The following GBF1 variants were observed in gnomAD, a reference collection of about 807,000 sequenced individuals.
The protein encoded by GBF1 is Golgi-specific brefeldin A-resistance guanine nucleotide exchange factor 1.
Under a neutral mutation model 210.5 loss-of-function variants are expected in GBF1, and 114 were observed. That is an observed-to-expected ratio of 0.54 (90% confidence interval 0.47 to 0.63). The LOEUF is 0.63. Ranked by LOEUF, GBF1 falls within the 30% of genes least tolerant of loss-of-function variation. The pLI, the probability that GBF1 is intolerant of heterozygous loss-of-function variation, is 0.00. For missense variants in GBF1, 1,851 were observed against 2,357.7 expected (o/e 0.79, Z 4.45); for synonymous variants, 850 against 889.2 (o/e 0.96, Z 0.78).
chr10:102,333,037 A>G (rs956728587), intron 3 of GBF1, among the ~76,000 whole-genome samples: 4 of 152,206 alleles, frequency 2.6e-5, no homozygotes, highest in South Asian at 4.1e-4. Flanking sequence ...ATTTAGAATC[A>G]TAAGTTTTAG....
rs756704424 is a variant in GBF1 at position 102,358,724 on chromosome 10, C to G, written c.1006C>G (p.Leu336Val). ...GCTAGGTGTTCCCGAGCAGCCTGAC[C>G]TCCAGGTATGGCTTTGATTTTTAAT... ...SELGVPEQPD[L>V]QQEGTHVEKS... The change falls in exon 10 of 40, where the codon CTC becomes GTC. Residue 336 changes from leucine (L) to valine (V), a missense_variant. By Grantham distance (32) the Leu-to-Val change is conservative. Around this residue, in one of 3 missense-constraint regions of GBF1, gnomAD observed 804 missense variants for 958.6 expected, o/e 0.84. Transcript: ENST00000369983. 1.2e-6 allele frequency: 2 copies of G among 1,604,834 alleles called. No individual in the cohort carries two copies. Among genetic ancestry groups the G allele is most frequent in the African/African-American group, 2.7e-5 (2 of 74,744 alleles).
At chr10:102,379,995 T>TG (rs773814251) in intron 36 of GBF1, 41 bp downstream of exon 36, 6 of 1,362,574 alleles carry the variant, frequency 4.4e-6, no homozygotes, top group Non-Finnish European at 6.2e-6. Context: ...CTCCCATACC[T>TG]GCCTTTTCCC....
At chr10:102,249,144 A>G (rs543806972) in intron 1 of GBF1, among the ~76,000 whole-genome samples, 28 of 152,288 alleles carry the variant, frequency 1.8e-4, no homozygotes, top group Admixed American at 1.3e-3. Flanking sequence ...ATTCTGCCCA[A>G]TGGTTACTGG....
intron 3 of GBF1, among the ~76,000 whole-genome samples, chr10:102,324,032 T>C (rs1384968213): frequency 6.6e-6 from 1 of 152,194 alleles, no homozygotes; most frequent in East Asian, 1.9e-4. Context: ...CTCTCTCTTA[T>C]ACTGGTGCAA....
At chr10:102,293,980 G>A (rs910768837) in intron 3 of GBF1, among the ~76,000 whole-genome samples, 10 of 151,322 alleles carry the variant, frequency 6.6e-5, no homozygotes, top group African/African-American at 1.7e-4. Flanking sequence ...GGGTTTCACC[G>A]TGTTAGCCAG....
At chr10:102,295,616 C>T (rs74155249) in intron 3 of GBF1, among the ~76,000 whole-genome samples, 27 of 152,192 alleles carry the variant, frequency 1.8e-4, no homozygotes, top group African/African-American at 6.3e-4. Context: ...AAGATAAGCC[C>T]TAAGTTGCTA....
chr10:102,239,754 T>C, the GBF1 span, among the ~76,000 whole-genome samples: 1 of 152,228 alleles, frequency 6.6e-6, no homozygotes, highest in South Asian at 2.1e-4. Flanking sequence ...TATGGACTCG[T>C]TCTCCCTGTT....
rs758879866 is a variant in GBF1, at chr10:102,375,493, C to T, written c.3795C>T (p.Ala1265=). The change falls in exon 30 of 40, where the codon GCC becomes GCT. Residue 1265 remains alanine (A), a synonymous_variant. Coordinates refer to ENST00000369983, the MANE Select transcript of GBF1 (RefSeq NM_001377137.1). The part of the protein sequence containing the change: ...AANIHSGDDW[A]TLFTLLECIG... Reference sequence around the variant, plus strand: ...ACATCCACTCAGGTGATGACTGGGCCACACTCTTCACACTGCTGGAGTGCA... The same window carrying T: ...ACATCCACTCAGGTGATGACTGGGCTACACTCTTCACACTGCTGGAGTGCA... 17 of 1,613,738 alleles carry T rather than the reference C, an allele frequency of 1.1e-5. No homozygotes were observed. The highest frequency in any genetic ancestry group is 1.4e-5 in the Non-Finnish European group (17 of 1,179,728).
chr10:102,305,175 T>TTGTGTGTG lies in GBF1; in HGVS notation c.164-38838_164-38831dup, dbSNP rs60026956. ...GAACCTTCTGAAATTATATGCAGAT[T>TTGTGTGTG]TGTGTGTGTGTGTGTGTGTGTGTGT... On this transcript the variant is annotated intron_variant, in intron 3 of 39. Transcript: ENST00000369983. 7.3e-3 allele frequency among the ~76,000 whole-genome samples: 1,023 copies of TTGTGTGTG among 139,724 alleles called. 6 individuals carry two copies. Among genetic ancestry groups the TTGTGTGTG allele is most frequent in the African/African-American group, 0.025 (941 of 37,302 alleles). The allele number at this position is 139,724 out of a possible 152,430, so 91.7% of individuals were successfully genotyped here.
At chr10:102,337,245 G>T (rs538129439) in intron 3 of GBF1, among the ~76,000 whole-genome samples, 3 of 148,490 alleles carry the variant, frequency 2.0e-5, no homozygotes, top group Non-Finnish European at 4.5e-5. Context: ...GGGCATGGTG[G>T]TGGGCGCCTG....
chr10:102,364,584 C>CA (rs1189744155), intron 17 of GBF1, among the ~76,000 whole-genome samples: 1 of 151,314 alleles, frequency 6.6e-6, no homozygotes, highest in Non-Finnish European at 1.5e-5. Context: ...CGCAGTGGCT[C>CA]ACGCCTGTAA....
At chr10:102,295,973 A>G (rs2076874107) in intron 3 of GBF1, among the ~76,000 whole-genome samples, 2 of 152,220 alleles carry the variant, frequency 1.3e-5, no homozygotes, top group African/African-American at 4.8e-5. Context: ...GTAGCGGACA[A>G]TAACATTCAT....
At chr10:102,277,706 T>A (rs2075119451) in intron 3 of GBF1, among the ~76,000 whole-genome samples, 1 of 152,232 alleles carries the variant, frequency 6.6e-6, no homozygotes, top group Non-Finnish European at 1.5e-5. Flanking sequence ...CCTTAATACT[T>A]CAGTGCATAT....
intron 3 of GBF1, among the ~76,000 whole-genome samples, chr10:102,334,056 T>A (rs1180179030): frequency 6.6e-6 from 1 of 152,176 alleles, no homozygotes; most frequent in Non-Finnish European, 1.5e-5. Context: ...TGATCCATCT[T>A]GTGAATGATG....
intron 3 of GBF1, among the ~76,000 whole-genome samples, chr10:102,261,720 C>G (rs905338093): frequency 1.3e-5 from 2 of 149,408 alleles, no homozygotes; most frequent in African/African-American, 2.5e-5. Flanking sequence ...CTCCCAGATT[C>G]AAGCGATTTT....
intron 26 of GBF1, 73 bp downstream of exon 26, chr10:102,370,057 A>T: frequency 6.3e-7 from 1 of 1,581,222 alleles, no homozygotes; most frequent in South Asian, 1.1e-5. Context: ...GAACTGAAGA[A>T]TAAATCATCC....
chr10:102,269,618 T>C (rs2074201678), intron 3 of GBF1, among the ~76,000 whole-genome samples: 1 of 152,144 alleles, frequency 6.6e-6, no homozygotes, highest in South Asian at 2.1e-4. Flanking sequence ...CCACAGATTA[T>C]TTTTTGTTTT....
chr10:102,253,377 GTA>G (rs1272962288), intron 1 of GBF1, among the ~76,000 whole-genome samples: 1 of 152,144 alleles, frequency 6.6e-6, no homozygotes, highest in Non-Finnish European at 1.5e-5. Flanking sequence ...CTTCTCTGGG[GTA>G]TAGTCCTAGA....
intron 4 of GBF1, among the ~76,000 whole-genome samples, chr10:102,349,081 C>T (rs1024733715): frequency 3.3e-5 from 5 of 151,690 alleles, no homozygotes; most frequent in Non-Finnish European, 7.4e-5. Context: ...CCCCAGAGGT[C>T]GAGGCAGCAG....
Sources: gnomAD v4.1 joint callset for allele counts (sites outside exome capture counted in the v4.1 genomes callset) on GRCh38, gnomAD v4.1.1 for gene constraint, gnomAD v4.1.1 regional missense constraint, MANE v1.5 for transcripts, NCBI Gene and HGNC (gene_info 2026-07-23, HGNC 2026-07-21) for gene names.